The following RPS6KA2 variants were observed in gnomAD, a reference collection of about 807,000 sequenced individuals.
RPS6KA2 encodes the protein ribosomal protein S6 kinase alpha-2.
A neutral mutation model predicts 91.8 loss-of-function variants in RPS6KA2; 42 were observed. The ratio of observed to expected loss-of-function variants is 0.46; its 90% CI spans 0.36 to 0.59. The LOEUF (loss-of-function observed/expected upper bound fraction) is 0.59, where lower values mean the gene tolerates loss of function less well. Among genes scored for constraint, RPS6KA2 ranks in the 20% least tolerant of loss-of-function variants. The pLI is 0.00. For synonymous variants in RPS6KA2, 414 were observed against 393.6 expected, an observed-to-expected ratio of 1.05 and a Z score of -0.61; for missense variants, 798 against 978.5, an observed-to-expected ratio of 0.82 and a Z score of 2.46.
intron 2 of RPS6KA2, among the ~76,000 whole-genome samples, chr6:166,777,592 G>A (rs1286577366): frequency 2.0e-5 from 3 of 152,180 alleles, no homozygotes; most frequent in Non-Finnish European, 4.4e-5. Context: ...AAGAAGTATT[G>A]TTAAAAGTTA....
At chr6:166,738,098 T>A (rs1047533764) in intron 2 of RPS6KA2, among the ~76,000 whole-genome samples, 2 of 152,252 alleles carry the variant, frequency 1.3e-5, no homozygotes, top group Non-Finnish European at 2.9e-5. Context: ...TACATGTGGA[T>A]ATTTCTTCCC....
At chr6:166,743,898 G>A (rs907064779) in intron 2 of RPS6KA2, among the ~76,000 whole-genome samples, 2 of 151,946 alleles carry the variant, frequency 1.3e-5, no homozygotes, top group African/African-American at 4.8e-5. Context: ...GTCAGTGCAC[G>A]GCACCATCTC....
intron 2 of RPS6KA2, among the ~76,000 whole-genome samples, chr6:166,652,056 T>C (rs1304317733): frequency 6.6e-6 from 1 of 152,240 alleles, no homozygotes; most frequent in East Asian, 1.9e-4. Flanking sequence ...CTAGAAGAAT[T>C]TAAGAATGTT....
chr6:166,635,206 G>A lies in RPS6KA2; in HGVS notation c.124-96422C>T, dbSNP rs1365232993. On this transcript the variant is annotated intron_variant, in intron 2 of 21. Transcript: ENST00000503859. The surrounding 1 kb of genome is among the most constrained non-coding windows in gnomAD (Gnocchi z 4.8). ...TGGCATGAATGAGTTAGAGAACCACGGCAGGAGCCCAGTGTCATTCATCAA... is the reference window on the plus strand; with the variant it reads ...TGGCATGAATGAGTTAGAGAACCACAGCAGGAGCCCAGTGTCATTCATCAA... 3.3e-5 allele frequency among the ~76,000 whole-genome samples: 5 copies of A among 152,112 alleles called. No individual in the cohort carries two copies. Among genetic ancestry groups the A allele is most frequent in the African/African-American group, 7.2e-5 (3 of 41,406 alleles).
exon 1 of RPS6KA2, chr6:166,862,447 G>T: frequency 8.2e-7 from 1 of 1,215,742 alleles, no homozygotes; most frequent in Non-Finnish European, 1.1e-6. Context: ...AGCTGCTGCC[G>T]CTTCCCGCTC....
At chr6:166,572,891 G>A (rs555089614) in intron 1 of RPS6KA2, among the ~76,000 whole-genome samples, 1 of 152,260 alleles carries the variant, frequency 6.6e-6, no homozygotes, top group Non-Finnish European at 1.5e-5. Context: ...CCTGCCTGCT[G>A]AAGAAGAAAA....
rs6912400 is a variant in RPS6KA2 at position 166,454,367 on chromosome 6, G to A, written c.1076-3134C>T. ...ACAAAAATTAGCCAGGCGGGGTGGC[G>A]CACGCCTGTAATCCCAGCTACTCAG... On this transcript the variant is annotated intron_variant, in intron 12 of 20. Transcript: ENST00000265678. 4.2e-3 allele frequency among the ~76,000 whole-genome samples: 634 copies of A among 152,134 alleles called. 7 individuals carry two copies. Among genetic ancestry groups the A allele is most frequent in the African/African-American group, 0.014 (597 of 41,504 alleles).
At chr6:166,810,525 G>A (rs2128620299) in intron 2 of RPS6KA2, among the ~76,000 whole-genome samples, 1 of 152,130 alleles carries the variant, frequency 6.6e-6, no homozygotes, top group Non-Finnish European at 1.5e-5. Context: ...ATGCACTTGA[G>A]GCTAAAAAAA....
At chr6:166,602,319 G>A (rs1027807419) in intron 1 of RPS6KA2, among the ~76,000 whole-genome samples, 2 of 152,204 alleles carry the variant, frequency 1.3e-5, no homozygotes, top group East Asian at 3.8e-4. Context: ...GTTGAAGATC[G>A]TGTGCTCCAT....
At chr6:166,757,410 G>A (rs988375622) in intron 2 of RPS6KA2, 24 of 423,688 alleles carry the variant, frequency 5.7e-5, no homozygotes, top group Middle Eastern at 3.4e-4. Flanking sequence ...ATTCCACTCC[G>A]CCCAGAAAAC....
rs746078809 is a variant in RPS6KA2 at position 166,554,022 on chromosome 6, G to A, written c.100-15238C>T. Among the ~76,000 whole-genome samples the A allele has an allele frequency of 6.6e-5, 10 of 152,110 alleles. No homozygotes were observed. Among genetic ancestry groups the A allele is most frequent in the Admixed American group, 5.2e-4 (8 of 15,266 alleles). On this transcript the variant is annotated intron_variant, in intron 1 of 20. Transcript: ENST00000265678. This position sits in a 1 kb window ranked among gnomAD's most constrained non-coding sequence, Gnocchi z 4.3. The stretch of plus-strand genomic sequence containing the variant: ...GGAGCTCTCACCTACAGGCTACCCC[G>A]AGGCAGTGGCTGGAAACTGCACCAA...
At chr6:166,805,197 C>T (rs1184576030) in intron 2 of RPS6KA2, among the ~76,000 whole-genome samples, 2 of 152,192 alleles carry the variant, frequency 1.3e-5, no homozygotes. Flanking sequence ...CTGCTCTCCA[C>T]CCCCAGCCCT....
intron 2 of RPS6KA2, among the ~76,000 whole-genome samples, chr6:166,743,270 G>T (rs1437473409): frequency 1.3e-5 from 2 of 152,188 alleles, no homozygotes; most frequent in Admixed American, 1.3e-4. Flanking sequence ...AACTCACACT[G>T]CGGGACTTCA....
At chr6:166,607,837 G>A (rs1351240575) in intron 1 of RPS6KA2, among the ~76,000 whole-genome samples, 1 of 152,150 alleles carries the variant, frequency 6.6e-6, no homozygotes, top group African/African-American at 2.4e-5. Flanking sequence ...TACTGAGATG[G>A]TTCTTCAGAA....
At chr6:166,655,014 T>C (rs1282625129) in intron 2 of RPS6KA2, among the ~76,000 whole-genome samples, 2 of 152,202 alleles carry the variant, frequency 1.3e-5, no homozygotes, top group Non-Finnish European at 2.9e-5. Flanking sequence ...AAGAATCTAA[T>C]TAACTTTGAA....
chr6:166,428,168 A>ATCTT (rs1249094292), intron 16 of RPS6KA2, among the ~76,000 whole-genome samples: 1 of 151,956 alleles, frequency 6.6e-6, no homozygotes, highest in East Asian at 1.9e-4. Flanking sequence ...CAACTATCTG[A>ATCTT]TCTTTGACAA....
chr6:166,745,297 G>A (rs566837283), intron 2 of RPS6KA2, among the ~76,000 whole-genome samples: 88 of 152,148 alleles, frequency 5.8e-4, no homozygotes, highest in South Asian at 1.2e-3. Flanking sequence ...GATTTCAGGT[G>A]TGTGCCACCA....
chr6:166,793,775 T>C (rs969539019), intron 2 of RPS6KA2, among the ~76,000 whole-genome samples: 3 of 152,166 alleles, frequency 2.0e-5, no homozygotes, highest in Non-Finnish European at 4.4e-5. Context: ...ATTTAATAAA[T>C]GCTGCTGGGA....
intron 8 of RPS6KA2, among the ~76,000 whole-genome samples, chr6:166,492,467 T>A (rs532910338): frequency 6.6e-6 from 1 of 152,290 alleles, no homozygotes; most frequent in South Asian, 2.1e-4. Flanking sequence ...CAGAATAGAA[T>A]GGTATTAGCA....
Sources: gnomAD v4.1 joint callset for allele counts (sites outside exome capture counted in the v4.1 genomes callset) on GRCh38, gnomAD v4.1.1 for gene constraint, Gnocchi (gnomAD v3.1) non-coding constraint, MANE v1.5 for transcripts, NCBI Gene and HGNC (gene_info 2026-07-23, HGNC 2026-07-21) for gene names.